Variants in GPC5 observed in about 807,000 individuals in gnomAD.
GPC5 encodes the protein glypican-5.
Under a neutral mutation model 53.9 loss-of-function variants are expected in GPC5, and 47 were observed. The ratio of observed to expected loss-of-function variants is 0.87; its 90% CI spans 0.69 to 1.11. GPC5 has a LOEUF of 1.11. GPC5 is among the 50% of genes most tolerant of loss of function. GPC5 has a pLI of 0.00. For synonymous variants in GPC5, 286 were observed against 263.3 expected (o/e 1.09, Z -0.84); for missense variants, 748 against 713.1 (o/e 1.05, Z -0.56).
intron 7 of GPC5, among the ~76,000 whole-genome samples, chr13:92,710,698 C>CAGCAA (rs1246735679): frequency 2.0e-5 from 3 of 152,272 alleles, no homozygotes; most frequent in Non-Finnish European, 4.4e-5. Flanking sequence ...GATGCTAATT[C>CAGCAA]AGCAAACCTA....
chr13:91,718,190 A>T (rs928556427), intron 3 of GPC5, among the ~76,000 whole-genome samples: 6 of 151,818 alleles, frequency 4.0e-5, no homozygotes, highest in Non-Finnish European at 8.8e-5. Flanking sequence ...GGCTCGCTGC[A>T]AGCTCCGCTT....
intron 7 of GPC5, among the ~76,000 whole-genome samples, chr13:92,257,751 C>CA (rs1294611012): frequency 6.6e-6 from 1 of 151,580 alleles, no homozygotes; most frequent in African/African-American, 2.4e-5. Context: ...GGGGTTTCAC[C>CA]ATGTTCACCA....
At chr13:92,640,843 A>T (rs1409696906) in intron 7 of GPC5, among the ~76,000 whole-genome samples, 1 of 152,150 alleles carries the variant, frequency 6.6e-6, no homozygotes, top group East Asian at 1.9e-4. Context: ...GATTAAATGA[A>T]GTAGGAAATT....
rs140445751 is a variant in GPC5 at position 92,190,689 on chromosome 13, G to A, written c.1561+45700G>A. ...TTAAAATGTATATTGCAAACTCTAT[G>A]AAAACCATTTTAAAAACTAAAAAAT... On this transcript the variant is annotated intron_variant, in intron 7 of 7. Transcript: ENST00000377067. Among the ~76,000 whole-genome samples the A allele has an allele frequency of 1.4e-3, 209 of 151,986 alleles. 1 individual carries two copies. The highest frequency in any genetic ancestry group is 4.9e-3 in the African/African-American group (202 of 41,462).
At chr13:92,353,922 A>G (rs1482053095) in intron 7 of GPC5, among the ~76,000 whole-genome samples, 2 of 152,228 alleles carry the variant, frequency 1.3e-5, no homozygotes, top group African/African-American at 2.4e-5. Flanking sequence ...CACCATGCAC[A>G]ACTAAGAGAA....
At position 91,523,388 on chromosome 13, in the gene GPC5, A is replaced by G. The variant is rs543684207; in HGVS notation, c.325+74466A>G. On this transcript the variant is annotated intron_variant, in intron 2 of 7. Transcript: ENST00000377067. ...GTAATTTTCTATAGACACATGAAATATTACTCTGTCTTAAGGAAGGAAATT... is the reference window on the plus strand; with the variant it reads ...GTAATTTTCTATAGACACATGAAATGTTACTCTGTCTTAAGGAAGGAAATT... Among the ~76,000 whole-genome samples the G allele has an allele frequency of 3.9e-5, 6 of 152,340 alleles. No homozygotes were observed. The South Asian group carries it at 8.3e-4, about 21-fold the overall frequency.
chr13:92,642,068 T>C (rs1398851735), intron 7 of GPC5, among the ~76,000 whole-genome samples: 3 of 152,114 alleles, frequency 2.0e-5, no homozygotes, highest in Non-Finnish European at 2.9e-5. Context: ...AAAAAAAATA[T>C]TTCAAAAATA....
At chr13:91,807,396 A>G (rs1307777626) in intron 5 of GPC5, among the ~76,000 whole-genome samples, 1 of 152,204 alleles carries the variant, frequency 6.6e-6, no homozygotes, top group Admixed American at 6.5e-5. Context: ...TCATTCATGC[A>G]TGTAAGTAGA....
chr13:91,469,044 A>G (rs1352614409), intron 2 of GPC5, among the ~76,000 whole-genome samples: 4 of 149,996 alleles, frequency 2.7e-5, no homozygotes, highest in Admixed American at 1.3e-4. Flanking sequence ...TGCCTGGCCA[A>G]TTTTCTTTGT....
chr13:91,495,702 C>G (rs779690835), intron 2 of GPC5, among the ~76,000 whole-genome samples: 2 of 152,230 alleles, frequency 1.3e-5, no homozygotes, highest in East Asian at 3.8e-4. Flanking sequence ...CAGAACACTC[C>G]TTTCCAAAAT....
Position 91,571,891 on chromosome 13 carries a change from G to GTC in GPC5, c.326-121295_326-121294insCT, listed in dbSNP as rs1404103215. 2.7e-4 allele frequency among the ~76,000 whole-genome samples: 21 copies of GTC among 77,616 alleles called. 6 individuals carry two copies. The highest frequency in any genetic ancestry group is 1.7e-3 in the African/African-American group (19 of 11,272). 50.9% of individuals were successfully genotyped at this position (77,616 alleles called of 152,430 possible). A position where few individuals can be genotyped will look rare whatever the true frequency, so the allele number is the denominator to read the frequency against. Reference sequence around the variant, plus strand: ...TGTATATATACACACATATACGTGTGTATATACACATATTGTATATATACA... The same window carrying GTC: ...TGTATATATACACACATATACGTGTGTCTATATACACATATTGTATATATACA... On this transcript the variant is annotated intron_variant, in intron 2 of 7. Transcript: ENST00000377067.
chr13:91,558,022 C>G (rs1393348802), intron 2 of GPC5, among the ~76,000 whole-genome samples: 1 of 152,070 alleles, frequency 6.6e-6, no homozygotes, highest in Non-Finnish European at 1.5e-5. Context: ...AGCAAAAGCT[C>G]AAAAGATAAA....
chr13:91,504,572 G>T lies in GPC5; in HGVS notation c.325+55650G>T, dbSNP rs1332850380. ...TCGAAAATAAAAGCAAATAATAAAG[G>T]ATGTTATGCAGAGTGGTGGAAAATA... On this transcript the variant is annotated intron_variant, in intron 2 of 7. Coordinates refer to ENST00000377067, the MANE Select transcript of GPC5 (RefSeq NM_004466.6). Among the ~76,000 whole-genome samples the T allele has an allele frequency of 5.3e-5, 8 of 152,066 alleles. No homozygotes were observed. In the East Asian group the frequency reaches 1.2e-3, roughly 22 times the overall value.
chr13:92,010,972 T>C, intron 6 of GPC5, among the ~76,000 whole-genome samples: 1 of 152,240 alleles, frequency 6.6e-6, no homozygotes, highest in Non-Finnish European at 1.5e-5. Context: ...CAAAATGTTA[T>C]AGATTTTCTG....
intron 6 of GPC5, among the ~76,000 whole-genome samples, chr13:92,073,410 C>G (rs1378379394): frequency 2.6e-5 from 4 of 152,136 alleles, no homozygotes; most frequent in African/African-American, 9.7e-5. Context: ...GATTTCTGAT[C>G]CAGTCTTCAG....
intron 2 of GPC5, among the ~76,000 whole-genome samples, chr13:91,587,498 C>T (rs1445079311): frequency 2.0e-5 from 3 of 152,000 alleles, no homozygotes; most frequent in Non-Finnish European, 4.4e-5. Context: ...TTTCATTTAA[C>T]CTTCAAATCA....
chr13:92,211,401 T>C (rs1182588344), intron 7 of GPC5, among the ~76,000 whole-genome samples: 1 of 152,204 alleles, frequency 6.6e-6, no homozygotes, highest in Admixed American at 6.5e-5. Context: ...CATGTATGAG[T>C]CAGGAGAAGT....
At chr13:91,704,348 T>C (rs1194915855) in intron 3 of GPC5, among the ~76,000 whole-genome samples, 1 of 152,232 alleles carries the variant, frequency 6.6e-6, no homozygotes, top group African/African-American at 2.4e-5. Context: ...AATATCCTTT[T>C]CTACCCCTTC....
At chr13:92,508,005 C>G (rs1880434747) in intron 7 of GPC5, among the ~76,000 whole-genome samples, 1 of 152,036 alleles carries the variant, frequency 6.6e-6, no homozygotes, top group African/African-American at 2.4e-5. Flanking sequence ...CACTCTGTTG[C>G]CAGGCTGGAG....
Sources: gnomAD v4.1 joint callset for allele counts (sites outside exome capture counted in the v4.1 genomes callset) on GRCh38, gnomAD v4.1.1 for gene constraint, MANE v1.5 for transcripts, NCBI Gene and HGNC (gene_info 2026-07-23, HGNC 2026-07-21) for gene names.